The following OSBPL10 variants were observed in gnomAD, a reference collection of about 807,000 sequenced individuals.
OSBPL10 encodes oxysterol-binding protein-related protein 10.
In OSBPL10, 49 loss-of-function variants were observed where a neutral mutation model predicts 81.7. The observed-to-expected ratio is 0.60, with a 90% confidence interval of 0.48 to 0.76. OSBPL10 has a LOEUF of 0.76. Ranked by LOEUF, OSBPL10 falls within the 30% of genes least tolerant of loss-of-function variation. The pLI, the probability that OSBPL10 is intolerant of heterozygous loss-of-function variation, is 0.00. For synonymous variants in OSBPL10, 419 were observed against 383.6 expected (o/e 1.09, Z -1.08); for missense variants, 923 against 987.8 (o/e 0.93, Z 0.88).
intron 8 of OSBPL10, among the ~76,000 whole-genome samples, chr3:31,671,969 G>A (rs1700333424): frequency 6.6e-6 from 1 of 152,124 alleles, no homozygotes; most frequent in African/African-American, 2.4e-5. Context: ...TGGCTCCCTA[G>A]AGATGCATAT....
chr3:32,035,091 C>A (rs950320245), intron 2 of OSBPL10, among the ~76,000 whole-genome samples: 3 of 152,018 alleles, frequency 2.0e-5, no homozygotes, highest in Non-Finnish European at 1.5e-5. Flanking sequence ...CTAGCCACAC[C>A]AGAGAGAATG....
intron 4 of OSBPL10, among the ~76,000 whole-genome samples, chr3:31,761,471 CAAA>C (rs112468280): frequency 1.1e-4 from 6 of 56,026 alleles, no homozygotes; most frequent in Admixed American, 3.9e-4. Context: ...GACTCCATTT[CAAA>C]AAAAAAAAAA....
chr3:31,775,101 G>C (rs988378954), intron 4 of OSBPL10, among the ~76,000 whole-genome samples: 3 of 152,084 alleles, frequency 2.0e-5, no homozygotes, highest in Non-Finnish European at 4.4e-5. Context: ...GAACTCAAGA[G>C]GCAGAGGTTG....
chr3:31,903,098 GCA>G (rs1696298715), intron 1 of OSBPL10, among the ~76,000 whole-genome samples: 2 of 152,130 alleles, frequency 1.3e-5, no homozygotes, highest in Admixed American at 6.5e-5. Context: ...AATAGCATTT[GCA>G]CAGTCTTTCT....
At chr3:31,944,383 A>C (rs1044270361) in intron 1 of OSBPL10, among the ~76,000 whole-genome samples, 1 of 152,342 alleles carries the variant, frequency 6.6e-6, no homozygotes, top group East Asian at 1.9e-4. Context: ...TGTGTTAGCA[A>C]TTATCTTTTC....
At chr3:31,807,002 G>A (rs1054359007) in intron 4 of OSBPL10, among the ~76,000 whole-genome samples, 1 of 152,188 alleles carries the variant, frequency 6.6e-6, no homozygotes. Flanking sequence ...CCAGGCCACA[G>A]ACAGGATTTA....
intron 4 of OSBPL10, among the ~76,000 whole-genome samples, chr3:31,779,228 G>A (rs1698624333): frequency 6.6e-6 from 1 of 152,152 alleles, no homozygotes; most frequent in Non-Finnish European, 1.5e-5. Flanking sequence ...CAATTCGAAT[G>A]CTGAATGTAA....
At chr3:31,912,021 G>A (rs1394418050) in intron 1 of OSBPL10, among the ~76,000 whole-genome samples, 2 of 151,692 alleles carry the variant, frequency 1.3e-5, no homozygotes, top group African/African-American at 4.8e-5. Flanking sequence ...TTAATGCCAC[G>A]GTACAGTATG....
At chr3:31,876,409 C>G in intron 3 of OSBPL10, 24 bp downstream of exon 3, 4 of 1,581,462 alleles carry the variant, frequency 2.5e-6, no homozygotes, top group Non-Finnish European at 3.5e-6. Flanking sequence ...TCGAATGCCT[C>G]CTTCCTTTCT....
chr3:31,908,939 C>T (rs1696496779), intron 1 of OSBPL10, among the ~76,000 whole-genome samples: 3 of 152,144 alleles, frequency 2.0e-5, no homozygotes, highest in South Asian at 2.1e-4. Flanking sequence ...ATCATTTCTA[C>T]AGGAAGCAGA....
At chr3:31,929,226 T>C (rs1483445577) in intron 1 of OSBPL10, among the ~76,000 whole-genome samples, 1 of 152,130 alleles carries the variant, frequency 6.6e-6, no homozygotes, top group Non-Finnish European at 1.5e-5. Flanking sequence ...ATAAAATATA[T>C]CTCAGGATAA....
chr3:31,967,282 G>A (rs951069639), intron 1 of OSBPL10, among the ~76,000 whole-genome samples: 22 of 152,028 alleles, frequency 1.4e-4, no homozygotes, highest in Middle Eastern at 3.2e-3. Context: ...GAGTCTCACC[G>A]TTGCAGGGAG....
At chr3:32,071,843 C>G (rs1387154471) in intron 1 of OSBPL10, among the ~76,000 whole-genome samples, 1 of 152,208 alleles carries the variant, frequency 6.6e-6, no homozygotes, top group Non-Finnish European at 1.5e-5. Flanking sequence ...CACCTGACCC[C>G]CATAACTGTA....
At chr3:31,777,221 C>T (rs2125761067) in intron 4 of OSBPL10, among the ~76,000 whole-genome samples, 1 of 152,272 alleles carries the variant, frequency 6.6e-6, no homozygotes, top group Admixed American at 6.5e-5. Flanking sequence ...CATCTTTGCC[C>T]AGCTCTGGAT....
chr3:31,754,900 G>C (rs556519539), intron 4 of OSBPL10, among the ~76,000 whole-genome samples: 2 of 151,978 alleles, frequency 1.3e-5, no homozygotes. Context: ...TAGATATTTT[G>C]GTTATTATGT....
intron 4 of OSBPL10, among the ~76,000 whole-genome samples, chr3:31,756,349 C>G (rs1389946665): frequency 6.6e-6 from 1 of 152,196 alleles, no homozygotes; most frequent in Non-Finnish European, 1.5e-5. Context: ...CCCACCCATT[C>G]TCACCATCTG....
At chr3:31,739,237 T>TG (rs1697272340) in intron 5 of OSBPL10, among the ~76,000 whole-genome samples, 1 of 152,106 alleles carries the variant, frequency 6.6e-6, no homozygotes, top group African/African-American at 2.4e-5. Context: ...TGAGGTAAAT[T>TG]ATATTTTAAC....
chr3:31,668,545 C>G, intron 10 of OSBPL10, 97 bp downstream of exon 10: 1 of 1,169,658 alleles, frequency 8.5e-7, no homozygotes, highest in East Asian at 2.4e-5. Context: ...TGGCCTGTTT[C>G]CAGTCGCTAA....
chr3:31,760,968 C>CTGAGTT (rs1184490637), intron 4 of OSBPL10, among the ~76,000 whole-genome samples: 1 of 151,446 alleles, frequency 6.6e-6, no homozygotes, highest in East Asian at 2.0e-4. Flanking sequence ...AGAGGAACTG[C>CTGAGTT]TAAGTTTTTT....
Sources: gnomAD v4.1 joint callset for allele counts (sites outside exome capture counted in the v4.1 genomes callset) on GRCh38, gnomAD v4.1.1 for gene constraint, MANE v1.5 for transcripts, NCBI Gene and HGNC (gene_info 2026-07-23, HGNC 2026-07-21) for gene names.